Variants in PLEC observed in about 807,000 individuals in gnomAD.
PLEC encodes the protein plectin, also known as hemidesmosomal protein 1.
In PLEC, 216 loss-of-function variants were observed where a neutral mutation model predicts 392.8. That is an observed-to-expected ratio of 0.55 (90% CI 0.49 to 0.62). The LOEUF is 0.62. Among genes scored for constraint, PLEC ranks in the 20% least tolerant of loss-of-function variants. PLEC has a pLI of 0.00. For synonymous variants in PLEC, 3,621 were observed against 2,980.6 expected (o/e 1.21, Z -7.00); for missense variants, 6,863 against 6,563.4 (o/e 1.05, Z -1.58).
chr8:143,933,830 CGAG>C (rs1318366011), intron 12 of PLEC, among the ~76,000 whole-genome samples, 165 bp downstream of exon 12: 2 of 152,204 alleles, frequency 1.3e-5, no homozygotes, highest in Non-Finnish European at 2.9e-5. Context: ...TAGCTGCACA[CGAG>C]GAGGGAGGAG....
upstream of PLEC, chr8:143,942,627 C>T (rs1830713546): frequency 3.2e-6 from 4 of 1,265,220 alleles, no homozygotes; most frequent in Non-Finnish European, 4.2e-6. Context: ...CGCTCTCCAC[C>T]TCTTCCACCT....
upstream of PLEC, chr8:143,950,919 C>G: frequency 1.0e-6 from 1 of 979,610 alleles, no homozygotes; most frequent in South Asian, 1.8e-5. Flanking sequence ...GCAATCCCTG[C>G]CGGCACTGCC....
At position 143,919,022 on chromosome 8, in the gene PLEC, T is replaced by C. The variant is rs1821572252; in HGVS notation, c.10799A>G (p.Gln3600Arg). 1 of 1,611,358 alleles carries C rather than the reference T, an allele frequency of 6.2e-7. No homozygotes were observed. The highest frequency in any genetic ancestry group is 8.5e-7 in the Non-Finnish European group (1 of 1,180,022). The change falls in exon 32 of 32, where the codon CAG becomes CGG. Residue 3600 changes from glutamine (Q) to arginine (R), a missense_variant. Transcript: ENST00000345136. ...VMQSDLIPEE[Q>R]RAQLMADFQA... ...GAAGTCAGCCATCAGCTGGGCCCGC[T>C]GCTCCTCGGGGATCAGGTCCGACTG...
At chr8:143,945,346 A>C (rs1160041600) in intron 1 of PLEC, 7 of 365,552 alleles carry the variant, frequency 1.9e-5, no homozygotes, top group South Asian at 1.4e-4. Context: ...GCCTGGCTCC[A>C]CCCAGGAGTC....
chr8:143,947,437 C>A (rs1480870942), intron 1 of PLEC, among the ~76,000 whole-genome samples: 1 of 152,220 alleles, frequency 6.6e-6, no homozygotes, highest in Admixed American at 6.5e-5. Context: ...GAATTTTGAG[C>A]CAGGCAAAGC....
Position 143,921,407 on chromosome 8 carries a change from A to G in PLEC, c.8414T>C (p.Leu2805Pro). ...GLIVREHGIR[L>P]LEAQIATGGV... ...GCCCGTGGCGATCTGGGCCTCCAGC[A>G]GGCGGATGCCGTGCTCCCGGACGAT... The change falls in exon 32 of 32, where the codon CTG becomes CCG. Residue 2805 changes from leucine (L) to proline (P), a missense_variant. Physicochemically the swap from Leu to Pro is moderately conservative, Grantham distance 98 (BLOSUM62 -3). Coordinates refer to ENST00000345136, the MANE Select transcript of PLEC (RefSeq NM_201384.3). 1 of 1,613,402 alleles carries G rather than the reference A, an allele frequency of 6.2e-7. No individual in the cohort carries two copies. The highest frequency in any genetic ancestry group is 8.5e-7 in the Non-Finnish European group (1 of 1,179,802).
intron 20 of PLEC, 24 bp from the exon 21 acceptor site, chr8:143,930,322 G>C: frequency 6.3e-7 from 1 of 1,596,226 alleles, no homozygotes; most frequent in Admixed American, 1.7e-5. Flanking sequence ...AGTCGGTGAG[G>C]ACATGGCCAC....
intron 5 of PLEC, 108 bp downstream of exon 5, chr8:143,936,871 T>C (rs1829188223): frequency 1.1e-6 from 1 of 886,026 alleles, no homozygotes; most frequent in Non-Finnish European, 1.8e-6. Flanking sequence ...GCCAGTCACC[T>C]CCCAGGCCAC....
In PLEC at chr8:143,933,111, C is replaced by G; in HGVS notation, c.1419G>C (p.Arg473Ser). The change falls in exon 14 of 32, where the codon AGG becomes AGC. Residue 473 changes from arginine (R) to serine (S), a missense_variant and splice_region_variant. By Grantham distance (110) the Arg-to-Ser change is moderately radical (BLOSUM62 -1). Coordinates refer to ENST00000345136, the MANE Select transcript of PLEC (RefSeq NM_201384.3). ...CCAGGCGCTCGTGCAGACGGTACAC[C>G]CTGGGGCAGCAGAGGACTCAGGTAG... ...RHPQGEQMYRRVYRLHERLVA... is the reference protein window; with the variant it reads ...RHPQGEQMYRSVYRLHERLVA... 2 of 1,597,246 alleles carry G rather than the reference C, an allele frequency of 1.3e-6. No individual in the cohort carries two copies. Among genetic ancestry groups the G allele is most frequent in the Non-Finnish European group, 1.7e-6 (2 of 1,174,696 alleles).
intron 1 of PLEC, among the ~76,000 whole-genome samples, chr8:143,962,068 T>A (rs1832894253): frequency 6.6e-6 from 1 of 152,176 alleles, no homozygotes; most frequent in South Asian, 2.1e-4. Context: ...GCTGGGTAGG[T>A]CCAATGGTGG....
Position 143,930,522 on chromosome 8 carries a change from C to G in PLEC, c.2319G>C (p.Gln773His). 1.3e-6 allele frequency: 2 copies of G among 1,594,850 alleles called. No homozygotes were observed. Among genetic ancestry groups the G allele is most frequent in the Non-Finnish European group, 1.7e-6 (2 of 1,171,048 alleles). ...AGAGGTGGCCCTTGTACTCGTTCAG[C>G]TGTTCCTTCTCGTCCTGTGGGGGAG... ...LLQDAQDEKEQLNEYKGHLSG... is the reference protein window; with the variant it reads ...LLQDAQDEKEHLNEYKGHLSG... Residue 773 changes from glutamine (Q) to histidine (H), a missense_variant, in exon 20 of 32, where the codon CAG becomes CAC. Physicochemically the swap from Gln to His is conservative, Grantham distance 24. Coordinates refer to ENST00000345136, the MANE Select transcript of PLEC (RefSeq NM_201384.3).
At position 143,920,407 on chromosome 8, in the gene PLEC, C is replaced by T. The variant is rs374241416; in HGVS notation, c.9414G>A (p.Leu3138=). 3.8e-6 allele frequency: 6 copies of T among 1,593,134 alleles called. No homozygotes were observed. Among genetic ancestry groups the T allele is most frequent in the Non-Finnish European group, 5.1e-6 (6 of 1,172,804 alleles). The change falls in exon 32 of 32, where the codon CTG becomes CTA. Residue 3138 remains leucine, a synonymous_variant. Transcript: ENST00000345136. ...TGGGGTCCACGATGCCGCCCGTGGA[C>T]AGCTGGGCGTCCAACAGGCGCAGGC... ...EQGLRLLDAQ[L]STGGIVDPSK...
In PLEC at chr8:143,939,567, C is replaced by T; in HGVS notation, c.-106G>A. ...TGAAGGCTGGCGGCCCCACGAGACG[C>T]TCACTCGGCACAGGCTCAGCTCAGA... On this transcript the variant is annotated 5_prime_UTR_variant, in exon 1 of 32. Transcript: ENST00000345136. The T allele has an allele frequency of 1.3e-6, 2 of 1,527,786 alleles. No individual in the cohort carries two copies. Among genetic ancestry groups the T allele is most frequent in the Non-Finnish European group, 1.8e-6 (2 of 1,140,138 alleles). 94.6% of individuals were successfully genotyped at this position (1,527,786 alleles called of 1,614,324 possible).
chr8:143,924,313 G>T lies in PLEC; in HGVS notation c.5616C>A (p.Asp1872Glu). The change falls in exon 31 of 32, where the codon GAC becomes GAA. Residue 1872 changes from aspartate to glutamate, a missense_variant. Transcript: ENST00000345136. ...ENERLRRLAE[D>E]EAFQRRRLEE... ...CCAGCCGCCGCCGCTGGAAGGCCTC[G>T]TCCTCCGCCAGCCGCCGCAGGCGCT... 4 of 1,594,336 alleles carry T rather than the reference G, an allele frequency of 2.5e-6. No homozygotes were observed. The highest frequency in any genetic ancestry group is 3.4e-6 in the Non-Finnish European group (4 of 1,177,752).
chr8:143,958,552 T>G (rs868919233), upstream of PLEC: 1 of 390,276 alleles, frequency 2.6e-6, no homozygotes, highest in Middle Eastern at 3.6e-4. This position sits in a 1 kb window ranked among gnomAD's most constrained non-coding sequence, Gnocchi z 4.9. Flanking sequence ...GCCACCACCC[T>G]TTCACCTCAA....
intron 12 of PLEC, 47 bp downstream of exon 12, chr8:143,933,951 C>T (rs1554719809): frequency 8.6e-6 from 13 of 1,517,024 alleles, no homozygotes; most frequent in Non-Finnish European, 9.9e-6. Context: ...GCGGGGCAGG[C>T]TCCTCCGGCC....
rs1239443875 is a variant in PLEC at position 143,969,001 on chromosome 8, C to T, written c.70+4402G>A. 2.6e-5 allele frequency among the ~76,000 whole-genome samples: 4 copies of T among 152,184 alleles called. No individual in the cohort carries two copies. The highest frequency in any genetic ancestry group is 9.7e-5 in the African/African-American group (4 of 41,434). On this transcript the variant is annotated intron_variant, in intron 1 of 31. Coordinates refer to the PLEC transcript ENST00000356346. This position sits in a 1 kb window ranked among gnomAD's most constrained non-coding sequence, Gnocchi z 5.1. ...TACCACACAGCTGAGCAATTCCACTCCTAGGTATCTACCCAGCAGAAATAA... is the reference window on the plus strand; with the variant it reads ...TACCACACAGCTGAGCAATTCCACTTCTAGGTATCTACCCAGCAGAAATAA...
At chr8:143,960,758 CCT>C (rs1271276350) in intron 1 of PLEC, among the ~76,000 whole-genome samples, 1 of 152,342 alleles carries the variant, frequency 6.6e-6, no homozygotes, top group Non-Finnish European at 1.5e-5. Context: ...CTCCCTTCTC[CCT>C]GTCTCCCCCC....
At chr8:143,963,988 T>A (rs1302636521) in intron 1 of PLEC, among the ~76,000 whole-genome samples, 1 of 152,056 alleles carries the variant, frequency 6.6e-6, no homozygotes, top group Non-Finnish European at 1.5e-5. Context: ...GATTTTTGTA[T>A]TTTTAGTAGA....
Sources: gnomAD v4.1 joint callset for allele counts (sites outside exome capture counted in the v4.1 genomes callset) on GRCh38, gnomAD v4.1.1 for gene constraint, Gnocchi (gnomAD v3.1) non-coding constraint, MANE v1.5 for transcripts, NCBI Gene and HGNC (gene_info 2026-07-23, HGNC 2026-07-21) for gene names.